Variants in SNX1 observed in about 807,000 individuals in gnomAD.
SNX1 encodes sorting nexin-1.
Under a neutral mutation model 71.8 loss-of-function variants are expected in SNX1, and 36 were observed. The observed-to-expected ratio is 0.50, with a 90% CI of 0.38 to 0.66. SNX1 has a LOEUF of 0.66. Among genes scored for constraint, SNX1 ranks in the 30% least tolerant of loss-of-function variants. The probability of loss-of-function intolerance (pLI) is 0.00; values close to 1 mark genes in which losing one functional copy is unlikely to be tolerated. For synonymous variants in SNX1, 254 were observed against 240.7 expected (o/e 1.06, Z -0.51); for missense variants, 612 against 646.7 (o/e 0.95, Z 0.58).
intron 1 of SNX1, among the ~76,000 whole-genome samples, chr15:64,098,173 C>A (rs1325521352): frequency 6.6e-6 from 1 of 152,126 alleles, no homozygotes; most frequent in African/African-American, 2.4e-5. Context: ...ATTCTTGCCG[C>A]TAATTTAGTC....
At chr15:64,132,708 C>A (rs565841821) in intron 11 of SNX1, among the ~76,000 whole-genome samples, 2 of 152,162 alleles carry the variant, frequency 1.3e-5, no homozygotes, top group Admixed American at 6.5e-5. Flanking sequence ...CAGTGCCCCC[C>A]GCTCGTTCCC....
chr15:64,132,084 T>C (rs958580293), intron 11 of SNX1, among the ~76,000 whole-genome samples, 192 bp downstream of exon 11: 5 of 152,242 alleles, frequency 3.3e-5, no homozygotes, highest in African/African-American at 9.6e-5. Flanking sequence ...TGAATCATTT[T>C]GAGCCCCACA....
intron 4 of SNX1, among the ~76,000 whole-genome samples, chr15:64,120,314 C>T (rs2081183908): frequency 7.2e-6 from 1 of 138,356 alleles, no homozygotes; most frequent in Non-Finnish European, 1.5e-5. Flanking sequence ...CTCTGTCACC[C>T]AGGCTGGAGT....
chr15:64,127,044 A>G (rs2081261259), intron 6 of SNX1, 130 bp from the exon 7 acceptor site: 2 of 680,002 alleles, frequency 2.9e-6, no homozygotes, highest in Middle Eastern at 3.3e-4. Context: ...ATCCCTGCAT[A>G]TAACATAGAA....
chr15:64,102,774 T>TC (rs1326550152), intron 1 of SNX1, among the ~76,000 whole-genome samples: 2 of 144,148 alleles, frequency 1.4e-5, no homozygotes, highest in Non-Finnish European at 3.0e-5. Context: ...TTTTTTTTTT[T>TC]TTTTTTTTTT....
chr15:64,096,103 G>T lies in SNX1; in HGVS notation c.90G>T (p.Gly30=). The change falls in exon 1 of 15, where the codon GGG becomes GGT. Residue 30 remains glycine, a synonymous_variant. Coordinates refer to ENST00000559844, the MANE Select transcript of SNX1 (RefSeq NM_003099.5). Reference sequence around the variant, plus strand: ...AGCCGGAGTCCGAGGGGGCGGCCGGGGGATCAGAACCCGAGGCTGGGGACA... The same window carrying T: ...AGCCGGAGTCCGAGGGGGCGGCCGGTGGATCAGAACCCGAGGCTGGGGACA... ...GLEPESEGAA[G]GSEPEAGDSD... 6.4e-7 allele frequency: 1 copy of T among 1,564,952 alleles called. No homozygotes were observed. The highest frequency in any genetic ancestry group is 1.2e-5 in the South Asian group (1 of 85,410).
At chr15:64,104,303 C>T (rs1221701516) in intron 1 of SNX1, among the ~76,000 whole-genome samples, 22 of 131,000 alleles carry the variant, frequency 1.7e-4, no homozygotes, top group African/African-American at 4.7e-4. Flanking sequence ...GACGGAGTCT[C>T]GCTGTGTCGC....
intron 8 of SNX1, 84 bp downstream of exon 8, chr15:64,127,890 C>A: frequency 1.1e-6 from 1 of 940,494 alleles, no homozygotes; most frequent in African/African-American, 1.6e-5. Flanking sequence ...AATATGTGAG[C>A]ACTTAACATG....
intron 5 of SNX1, among the ~76,000 whole-genome samples, chr15:64,124,754 C>G (rs1483365677): frequency 2.6e-5 from 4 of 152,098 alleles, no homozygotes; most frequent in African/African-American, 9.7e-5. Flanking sequence ...GGAGTAATTC[C>G]CGTGGGTCAT....
At chr15:64,103,336 C>A (rs1328575451) in intron 1 of SNX1, among the ~76,000 whole-genome samples, 1 of 152,090 alleles carries the variant, frequency 6.6e-6, no homozygotes, top group Non-Finnish European at 1.5e-5. Context: ...TATGAGTGTT[C>A]CCCTTTCTCC....
chr15:64,126,034 C>G, intron 5 of SNX1, 45 bp from the exon 6 acceptor site: 1 of 1,604,314 alleles, frequency 6.2e-7, no homozygotes, highest in South Asian at 1.1e-5. Context: ...AGATACCATC[C>G]CCTATTTGGA....
At position 64,130,298 on chromosome 15, in the gene SNX1, A is replaced by G; in HGVS notation, c.992A>G (p.Glu331Gly). 1 of 1,614,090 alleles carries G rather than the reference A, an allele frequency of 6.2e-7. No individual in the cohort carries two copies. The highest frequency in any genetic ancestry group is 1.1e-5 in the South Asian group (1 of 91,078). The change falls in exon 10 of 15, where the codon GAA becomes GGA. Residue 331 changes from glutamate to glycine, a missense_variant. By Grantham distance (98) the Glu-to-Gly change is moderately conservative (BLOSUM62 -2). This residue lies in a region of SNX1 where 296 missense variants were observed against 361.9 expected (regional missense o/e 0.82). Coordinates refer to ENST00000559844, the MANE Select transcript of SNX1 (RefSeq NM_003099.5). ...TTACGGAAACTGCATGCTGTTGTAG[A>G]AACTCTAGTCAACCATAGGAAAGGT... is the stretch of plus-strand genomic sequence containing the variant. ...QRLRKLHAVV[E>G]TLVNHRKELA...
In SNX1 at chr15:64,137,690, A is replaced by G; in HGVS notation, c.*72A>G. On this transcript the variant is annotated 3_prime_UTR_variant, in exon 15 of 15. Coordinates refer to ENST00000559844, the MANE Select transcript of SNX1 (RefSeq NM_003099.5). Reference sequence around the variant, plus strand: ...ACACTGTCCTCCTCCACCTTGATGGACCCCTAGTGATGCATCCTGCCTAGG... The same window carrying G: ...ACACTGTCCTCCTCCACCTTGATGGGCCCCTAGTGATGCATCCTGCCTAGG... 6.2e-7 allele frequency: 1 copy of G among 1,606,560 alleles called. No individual in the cohort carries two copies. Among genetic ancestry groups the G allele is most frequent in the South Asian group, 1.1e-5 (1 of 90,116 alleles).
In SNX1 at chr15:64,129,247, CAAA is replaced by C. The variant is rs74266544; in HGVS notation, c.808-657_808-655del. ...GGGCGACAAGAGCAAGACTCCGTCT[CAAA>C]AAAAAAAAAAAGAACTACTGCCATA... On this transcript the variant is annotated intron_variant, in intron 8 of 14. Coordinates refer to ENST00000559844, the MANE Select transcript of SNX1 (RefSeq NM_003099.5). The surrounding 1 kb of genome is among the most constrained non-coding windows in gnomAD (Gnocchi z 4.4). Among the ~76,000 whole-genome samples, 2 of 123,064 alleles carry C rather than the reference CAAA, an allele frequency of 1.6e-5. No homozygotes were observed. Among genetic ancestry groups the C allele is most frequent in the Non-Finnish European group, 1.7e-5 (1 of 57,238 alleles). 80.7% of individuals were successfully genotyped at this position (123,064 alleles called of 152,430 possible). A position where few individuals can be genotyped will look rare whatever the true frequency, so the allele number is the denominator to read the frequency against.
intron 5 of SNX1, among the ~76,000 whole-genome samples, 166 bp from the exon 6 acceptor site, chr15:64,125,912 TA>T (rs1197479701): frequency 6.6e-6 from 1 of 152,242 alleles, no homozygotes; most frequent in Non-Finnish European, 1.5e-5. Flanking sequence ...AAAGGGGAAC[TA>T]TAGTTTTAAA....
intron 1 of SNX1, among the ~76,000 whole-genome samples, chr15:64,108,721 C>G (rs746882933): frequency 1.3e-5 from 2 of 152,120 alleles, no homozygotes; most frequent in Non-Finnish European, 2.9e-5. Context: ...GGCACAGTGG[C>G]TCACACCTGT....
intron 1 of SNX1, among the ~76,000 whole-genome samples, chr15:64,107,907 T>C (rs969231796): frequency 1.3e-5 from 2 of 152,040 alleles, no homozygotes; most frequent in Non-Finnish European, 2.9e-5. Flanking sequence ...AAAATATGGG[T>C]TATTGGCCGG....
At chr15:64,114,109 G>A (rs1234859441) in intron 2 of SNX1, among the ~76,000 whole-genome samples, 1 of 152,204 alleles carries the variant, frequency 6.6e-6, no homozygotes, top group African/African-American at 2.4e-5. Flanking sequence ...GCCATTGGCA[G>A]CTTTGTGTAA....
At position 64,134,586 on chromosome 15, in the gene SNX1, G is replaced by A; in HGVS notation, c.1222-78G>A. The A allele has an allele frequency of 6.6e-7, 1 of 1,517,754 alleles. No individual in the cohort carries two copies. The highest frequency in any genetic ancestry group is 8.9e-7 in the Non-Finnish European group (1 of 1,123,130). 94.0% of individuals were successfully genotyped at this position (1,517,754 alleles called of 1,614,324 possible). ...TCAGTCTGTCCCTGGTGCAGCTGCT[G>A]GGAGAGCCTGCCTCGAGGCAGAGCC... On this transcript the variant is annotated intron_variant, in intron 11 of 14. Coordinates refer to ENST00000559844, the MANE Select transcript of SNX1 (RefSeq NM_003099.5). The surrounding 1 kb of genome is among the most constrained non-coding windows in gnomAD (Gnocchi z 4.1).
Sources: allele counts gnomAD v4.1 joint callset (sites outside exome capture counted in the v4.1 genomes callset), GRCh38; gene constraint gnomAD v4.1.1; regional missense constraint gnomAD v4.1.1; non-coding constraint Gnocchi (gnomAD v3.1); transcripts MANE v1.5; gene names NCBI Gene and HGNC (gene_info 2026-07-23, HGNC 2026-07-21).